TARS3: variants seen among roughly 807,000 people sequenced by gnomAD.
TARS3 encodes threonyl-tRNA synthetase 3.
A neutral mutation model predicts 103.5 loss-of-function variants in TARS3; 94 were observed. The observed-to-expected ratio is 0.91, with a 90% CI of 0.77 to 1.08. The LOEUF (loss-of-function observed/expected upper bound fraction) is 1.08. TARS3 is among the 50% of genes least tolerant of loss of function. The pLI is 0.00. For missense variants in TARS3, 952 were observed against 995.2 expected (o/e 0.96, Z 0.58); for synonymous variants, 416 against 355.4 (o/e 1.17, Z -1.92).
chr15:101,655,028 G>A (rs545387672), intron 18 of TARS3, among the ~76,000 whole-genome samples: 3 of 151,822 alleles, frequency 2.0e-5, no homozygotes, highest in South Asian at 2.1e-4. Flanking sequence ...AAATGAGAGC[G>A]GGGAGCTCTT....
Position 101,671,739 on chromosome 15 carries a change from T to G in TARS3, c.1798A>C (p.Asn600His), listed in dbSNP as rs1897813619. Residue 600 changes from asparagine to histidine, a missense_variant, in exon 14 of 19, where the codon AAC becomes CAC. Coordinates refer to ENST00000335968, the MANE Select transcript of TARS3 (RefSeq NM_152334.3). ...GGTTCTCCAAAGTCCATCAAGCTGT[T>G]CTGCAGTTGCTTTTTCAAAAGAAGA... is the stretch of plus-strand genomic sequence containing the variant. The part of the protein sequence containing the change: ...MWNEAEKQLQ[N>H]SLMDFGEPWK... 6.2e-7 allele frequency: 1 copy of G among 1,613,382 alleles called. No individual in the cohort carries two copies. The highest frequency in any genetic ancestry group is 8.5e-7 in the Non-Finnish European group (1 of 1,179,884).
At chr15:101,655,752 AG>A in intron 18 of TARS3, 1 of 1,067,918 alleles carries the variant, frequency 9.4e-7, no homozygotes. Context: ...ACCTGGCACT[AG>A]GGTGCAGATG....
intron 6 of TARS3, 75 bp from the exon 7 acceptor site, chr15:101,705,822 GA>G (rs1899530567): frequency 8.1e-7 from 1 of 1,231,886 alleles, no homozygotes; most frequent in East Asian, 2.5e-5. Context: ...TTTTCTTCAA[GA>G]AACATTGAAA....
intron 10 of TARS3, among the ~76,000 whole-genome samples, chr15:101,694,089 A>G (rs1404335636): frequency 2.0e-5 from 3 of 152,002 alleles, no homozygotes; most frequent in South Asian, 2.1e-4. Flanking sequence ...GAATGCAGGG[A>G]AAAAAAAATT....
chr15:101,689,873 A>G (rs1374322602), intron 10 of TARS3, among the ~76,000 whole-genome samples: 1 of 152,242 alleles, frequency 6.6e-6, no homozygotes, highest in African/African-American at 2.4e-5. Flanking sequence ...TGCCACCAGG[A>G]TAAGGCGAAT....
intron 10 of TARS3, among the ~76,000 whole-genome samples, chr15:101,693,859 C>G (rs763550819): frequency 3.3e-5 from 5 of 151,994 alleles, no homozygotes; most frequent in Non-Finnish European, 5.9e-5. Flanking sequence ...GAGAAAAAAT[C>G]AGCCGTTCCC....
At chr15:101,665,585 C>T (rs753776306) in intron 15 of TARS3, among the ~76,000 whole-genome samples, 1 of 152,276 alleles carries the variant, frequency 6.6e-6, no homozygotes, top group Non-Finnish European at 1.5e-5. Context: ...ATTTGTTCAA[C>T]ACTCTAAACA....
Position 101,711,214 on chromosome 15 carries a change from A to G in TARS3, c.812+666T>C, listed in dbSNP as rs149858127. On this transcript the variant is annotated intron_variant, in intron 5 of 18. Transcript: ENST00000335968. ...GCAAGTCCAAGATTAGATAAATAGC[A>G]TATCATATTCTTCTGGGGACAAAAA... Among the ~76,000 whole-genome samples the G allele has an allele frequency of 5.0e-3, 755 of 152,346 alleles. 3 individuals carry two copies. The highest frequency in any genetic ancestry group is 0.017 in the African/African-American group (720 of 41,582).
At chr15:101,705,894 A>G in intron 6 of TARS3, 147 bp from the exon 7 acceptor site, 2 of 695,376 alleles carry the variant, frequency 2.9e-6, no homozygotes, top group Middle Eastern at 7.6e-4. Flanking sequence ...CACAGCCTTG[A>G]GCGACACCGT....
At chr15:101,718,435 G>A (rs1309320865) in intron 3 of TARS3, among the ~76,000 whole-genome samples, 2 of 152,130 alleles carry the variant, frequency 1.3e-5, no homozygotes, top group African/African-American at 4.8e-5. Flanking sequence ...AAACAATCTA[G>A]TTTGCCAGCA....
In TARS3 at chr15:101,723,110, TTTCC is replaced by T. The variant is rs1374401938; in HGVS notation, c.348_351del (p.Glu117AlafsTer7). 1 of 1,614,110 alleles carries T rather than the reference TTTCC, an allele frequency of 6.2e-7. No homozygotes were observed. Among genetic ancestry groups the T allele is most frequent in the Non-Finnish European group, 8.5e-7 (1 of 1,180,034 alleles). On this transcript the variant is annotated frameshift_variant, in exon 2 of 19. Transcript: ENST00000335968. LOFTEE classifies it high-confidence loss of function. ...CAACTTACCTCGCTGTCAGCCTCGC[TTTCC>T]TTCATTTTCTTCTTTTTCATGTCCT...
intron 15 of TARS3, among the ~76,000 whole-genome samples, chr15:101,662,458 C>T (rs1367918954): frequency 1.3e-5 from 2 of 151,794 alleles, no homozygotes; most frequent in Non-Finnish European, 2.9e-5. Context: ...GCTACTACTA[C>T]AATAAATGAA....
chr15:101,657,230 A>G (rs1897226345), intron 17 of TARS3, among the ~76,000 whole-genome samples, 194 bp from the exon 18 acceptor site: 1 of 152,236 alleles, frequency 6.6e-6, no homozygotes, highest in Non-Finnish European at 1.5e-5. Flanking sequence ...AAAAGGCTGC[A>G]GCTCCCATCT....
chr15:101,701,111 T>C lies in TARS3; in HGVS notation c.1295A>G (p.Tyr432Cys), dbSNP rs753590036. The C allele has an allele frequency of 6.3e-7, 1 of 1,590,386 alleles. No homozygotes were observed. The highest frequency in any genetic ancestry group is 1.2e-5 in the South Asian group (1 of 85,322). ...CFFLPRGAFI[Y>C]NTLTDFIREE... The stretch of plus-strand genomic sequence containing the variant: ...TCGTATGAAATCTGTAAGCGTATTA[T>C]AAATGAAGGCTCCTCTGGGAAGGAA... The change falls in exon 10 of 19, where the codon TAT becomes TGT. Residue 432 changes from tyrosine to cysteine, a missense_variant. Physicochemically the swap from Tyr to Cys is radical, Grantham distance 194. Transcript: ENST00000335968.
At chr15:101,678,571 G>C (rs1898126951) in intron 12 of TARS3, among the ~76,000 whole-genome samples, 1 of 151,692 alleles carries the variant, frequency 6.6e-6, no homozygotes, top group Non-Finnish European at 1.5e-5. Context: ...CACTTTACCA[G>C]CTCAGGTGAA....
intron 2 of TARS3, among the ~76,000 whole-genome samples, chr15:101,722,647 A>AAC (rs1177018168): frequency 6.8e-6 from 1 of 146,950 alleles, no homozygotes; most frequent in Non-Finnish European, 1.5e-5. Context: ...TCTACTAAAA[A>AAC]AAAAAAAAAA....
chr15:101,673,273 A>G (rs1370420424), intron 13 of TARS3, among the ~76,000 whole-genome samples: 1 of 152,184 alleles, frequency 6.6e-6, no homozygotes, highest in East Asian at 1.9e-4. Context: ...TGGGACTTCC[A>G]GCCTATTCTC....
chr15:101,698,871 C>G (rs1417070673), intron 10 of TARS3, among the ~76,000 whole-genome samples: 1 of 152,222 alleles, frequency 6.6e-6, no homozygotes, highest in Non-Finnish European at 1.5e-5. Flanking sequence ...GTAGAATGGA[C>G]TTCCCTACAG....
chr15:101,722,384 A>T (rs1234588549), intron 2 of TARS3, among the ~76,000 whole-genome samples: 1 of 151,436 alleles, frequency 6.6e-6, no homozygotes, highest in Non-Finnish European at 1.5e-5. Context: ...GAATTCCTCA[A>T]CCAGACTAAC....
Sources: gnomAD v4.1 joint callset for allele counts (sites outside exome capture counted in the v4.1 genomes callset) on GRCh38, gnomAD v4.1.1 for gene constraint, MANE v1.5 for transcripts, NCBI Gene and HGNC (gene_info 2026-07-23, HGNC 2026-07-21) for gene names.